Variants in SLC26A5 observed in about 807,000 individuals in gnomAD.
SLC26A5 encodes the protein solute carrier family 26 member 5.
Under a neutral mutation model 81.0 loss-of-function variants are expected in SLC26A5, and 51 were observed. The observed-to-expected ratio is 0.63, with a 90% CI of 0.50 to 0.80. The LOEUF (loss-of-function observed/expected upper bound fraction) is 0.80, where lower values mean the gene tolerates loss of function less well. Ranked by LOEUF, SLC26A5 falls within the 30% of genes least tolerant of loss-of-function variation. The pLI is 0.00. For missense variants in SLC26A5, 771 were observed against 905.8 expected, an observed-to-expected ratio of 0.85 and a Z score of 1.91; for synonymous variants, 325 against 332.8, an observed-to-expected ratio of 0.98 and a Z score of 0.25.
At chr7:103,423,377 T>C (rs1825499494) in intron 2 of SLC26A5, among the ~76,000 whole-genome samples, 1 of 152,154 alleles carries the variant, frequency 6.6e-6, no homozygotes, top group South Asian at 2.1e-4. Context: ...CAAGAGCCTA[T>C]AATAAAAAGA....
At chr7:103,398,051 G>C in intron 8 of SLC26A5, 37 bp from the exon 9 acceptor site, 1 of 1,517,698 alleles carries the variant, frequency 6.6e-7, no homozygotes, top group Non-Finnish European at 9.2e-7. Context: ...CTTTAGAGAT[G>C]AATGTTCAAA....
intron 8 of SLC26A5, among the ~76,000 whole-genome samples, chr7:103,398,259 C>T (rs1343781923): frequency 6.6e-6 from 1 of 152,176 alleles, no homozygotes; most frequent in African/African-American, 2.4e-5. Flanking sequence ...CTTTTCTATA[C>T]TAAGGCGTCT....
chr7:103,425,260 T>C (rs1473973749), intron 2 of SLC26A5, among the ~76,000 whole-genome samples: 1 of 152,242 alleles, frequency 6.6e-6, no homozygotes, highest in East Asian at 1.9e-4. Flanking sequence ...ATCAGCTAGA[T>C]AGGTACTTGA....
chr7:103,424,027 C>T (rs1199225535), intron 2 of SLC26A5, among the ~76,000 whole-genome samples: 1 of 152,136 alleles, frequency 6.6e-6, no homozygotes, highest in African/African-American at 2.4e-5. Context: ...CACTGGCTTC[C>T]ACCTACCCTA....
chr7:103,372,976 C>T (rs1261905556), downstream of SLC26A5, among the ~76,000 whole-genome samples: 6 of 151,880 alleles, frequency 4.0e-5, no homozygotes, highest in African/African-American at 1.5e-4. Flanking sequence ...ATTCAACCTG[C>T]CCTTCTGGTA....
Position 103,379,270 on chromosome 7 carries a change from G to A in SLC26A5, c.1650C>T (p.Asp550=). Residue 550 remains aspartate (D), a synonymous_variant, in exon 16 of 20, where the codon GAC becomes GAT. Transcript: ENST00000306312. ...TTCGTTTTAATGCATTGCTATACAA[G>A]TCGCTATTTGCATAGTAAATTGGTG... ...INAPIYYANS[D]LYSNALKRKT... The A allele has an allele frequency of 1.9e-6, 3 of 1,611,286 alleles. No homozygotes were observed. Among genetic ancestry groups the A allele is most frequent in the Non-Finnish European group, 2.5e-6 (3 of 1,177,714 alleles).
chr7:103,408,519 G>A (rs1298692259), intron 7 of SLC26A5, among the ~76,000 whole-genome samples: 1 of 152,120 alleles, frequency 6.6e-6, no homozygotes, highest in Non-Finnish European at 1.5e-5. Context: ...GAGCCACTGT[G>A]CCCAGCCTTA....
intron 2 of SLC26A5, among the ~76,000 whole-genome samples, chr7:103,434,680 C>A (rs1299186698): frequency 3.3e-5 from 5 of 152,084 alleles, no homozygotes; most frequent in African/African-American, 1.2e-4. Flanking sequence ...GAGACAAAGT[C>A]TCACTCTATT....
chr7:103,439,824 C>G (rs147236923), intron 2 of SLC26A5, among the ~76,000 whole-genome samples: 8 of 152,268 alleles, frequency 5.3e-5, no homozygotes, highest in African/African-American at 1.2e-4. Flanking sequence ...CGTGAGCCAC[C>G]GCAGTTGGCC....
chr7:103,431,523 A>C (rs1362451051), intron 2 of SLC26A5, among the ~76,000 whole-genome samples: 1 of 152,166 alleles, frequency 6.6e-6, no homozygotes, highest in Non-Finnish European at 1.5e-5. Flanking sequence ...AAAGGGTCTC[A>C]TTATGGTGCC....
rs563767129 is a variant in SLC26A5, at chr7:103,441,386, TC to T, written c.-54+1696del. 2.6e-4 allele frequency among the ~76,000 whole-genome samples: 39 copies of T among 152,334 alleles called. No homozygotes were observed. In the South Asian group the frequency reaches 8.1e-3, roughly 32 times the overall value. ...CTAACTCTAAATTTAAGAAGAATTT[TC>T]CAAGTGTGAAAATCTACAGAATTTA... is the stretch of plus-strand genomic sequence containing the variant. On this transcript the variant is annotated intron_variant, in intron 2 of 19. Coordinates refer to ENST00000306312, the MANE Select transcript of SLC26A5 (RefSeq NM_198999.3).
At chr7:103,363,935 AG>A (rs1396579992) in intron 19 of SLC26A5, among the ~76,000 whole-genome samples, 6 of 152,238 alleles carry the variant, frequency 3.9e-5, no homozygotes, top group Non-Finnish European at 5.9e-5. Flanking sequence ...TATTGATAGA[AG>A]TCCAGTTTAG....
At chr7:103,388,827 T>A (rs1822412927) in intron 14 of SLC26A5, 181 bp downstream of exon 14, 1 of 587,884 alleles carries the variant, frequency 1.7e-6, no homozygotes, top group African/African-American at 1.8e-5. Flanking sequence ...TATATGGAAT[T>A]TTTAAATTGG....
intron 8 of SLC26A5, among the ~76,000 whole-genome samples, chr7:103,400,281 T>C (rs1208494119): frequency 6.6e-6 from 1 of 152,236 alleles, no homozygotes; most frequent in Non-Finnish European, 1.5e-5. Flanking sequence ...CATGAGATGG[T>C]ATCCCGTTGT....
chr7:103,375,072 AAAT>A (rs1821257198), intron 19 of SLC26A5, among the ~76,000 whole-genome samples: 1 of 147,418 alleles, frequency 6.8e-6, no homozygotes, highest in Admixed American at 6.9e-5. Flanking sequence ...ACACATATAT[AAAT>A]ATATATATAC....
chr7:103,355,935 T>C lies in SLC26A5; in HGVS notation c.2042-3009A>G, dbSNP rs998721730. Reference sequence around the variant, plus strand: ...AATAAAGCTTTCTACAAAACTGGGGTTAAAATTTTATGCCTTAAACAATTC... The same window carrying C: ...AATAAAGCTTTCTACAAAACTGGGGCTAAAATTTTATGCCTTAAACAATTC... On this transcript the variant is annotated intron_variant, in intron 19 of 19. Coordinates refer to the SLC26A5 transcript ENST00000339444. The C allele has an allele frequency of 5.4e-6, 3 of 559,346 alleles. No individual in the cohort carries two copies. In the East Asian group the frequency reaches 8.6e-5, roughly 16 times the overall value. 34.6% of individuals were successfully genotyped at this position (559,346 alleles called of 1,614,324 possible). A position where few individuals can be genotyped will look rare whatever the true frequency, so the allele number is the denominator to read the frequency against.
At chr7:103,397,520 G>A (rs1351837455) in intron 9 of SLC26A5, among the ~76,000 whole-genome samples, 28 of 134,968 alleles carry the variant, frequency 2.1e-4, no homozygotes, top group Non-Finnish European at 3.2e-4. Flanking sequence ...CAGCCTGGGG[G>A]ACAGAGCAAG....
chr7:103,396,702 A>AG (rs1220077108), intron 9 of SLC26A5, among the ~76,000 whole-genome samples: 2 of 152,188 alleles, frequency 1.3e-5, no homozygotes, highest in African/African-American at 2.4e-5. Context: ...CTCTTGCTTA[A>AG]GGGGTGGAGA....
Position 103,382,834 on chromosome 7 carries a change from AG to A in SLC26A5, c.1515-2286del, listed in dbSNP as rs527341950. ...CTGCCATCACGTAGATGAGAAATTG[AG>A]GCTCAGTGGGGTTAGGTAAGTTGTT... On this transcript the variant is annotated intron_variant, in intron 14 of 19. Transcript: ENST00000306312. 2.4e-3 allele frequency among the ~76,000 whole-genome samples: 373 copies of A among 152,308 alleles called. 2 individuals are homozygous for A. Among genetic ancestry groups the A allele is most frequent in the African/African-American group, 8.4e-3 (350 of 41,554 alleles).
Sources: allele counts gnomAD v4.1 joint callset (sites outside exome capture counted in the v4.1 genomes callset), GRCh38; gene constraint gnomAD v4.1.1; transcripts MANE v1.5; gene names NCBI Gene and HGNC (gene_info 2026-07-23, HGNC 2026-07-21).